Variants in PCDH15 observed in about 807,000 individuals in gnomAD.
PCDH15 encodes the protein protocadherin related 15, also known as protocadherin-15.
PCDH15 carries 129 observed loss-of-function variants against 178.5 expected under a neutral mutation model. The ratio of observed to expected loss-of-function variants is 0.72; its 90% confidence interval spans 0.63 to 0.84. PCDH15 has a LOEUF of 0.84. PCDH15 is among the 40% of genes least tolerant of loss of function. The pLI, the probability that PCDH15 is intolerant of heterozygous loss-of-function variation, is 0.00. For missense variants in PCDH15, 2,230 were observed against 2,099.9 expected (o/e 1.06, Z -1.21); for synonymous variants, 800 against 732.0 (o/e 1.09, Z -1.50).
chr10:54,089,218 G>A (rs937862834), intron 16 of PCDH15, among the ~76,000 whole-genome samples: 1 of 152,164 alleles, frequency 6.6e-6, no homozygotes, highest in Non-Finnish European at 1.5e-5. Flanking sequence ...TGAGTCTGAT[G>A]TGGCAATGTA....
chr10:55,263,225 C>G (rs1842193472), intron 1 of PCDH15, among the ~76,000 whole-genome samples: 1 of 152,156 alleles, frequency 6.6e-6, no homozygotes, highest in Non-Finnish European at 1.5e-5. Flanking sequence ...CCTAACCGGT[C>G]TGGTAAAAAC....
chr10:53,944,202 T>C (rs2086329461), intron 23 of PCDH15, among the ~76,000 whole-genome samples: 1 of 152,286 alleles, frequency 6.6e-6, no homozygotes, highest in Admixed American at 6.5e-5. Flanking sequence ...ATAAAGGAAA[T>C]TGAAAATTTT....
chr10:55,361,030 A>G (rs1845214998), intron 2 of PCDH15, among the ~76,000 whole-genome samples: 1 of 152,014 alleles, frequency 6.6e-6, no homozygotes, highest in Admixed American at 6.6e-5. Flanking sequence ...TTCTGAATGG[A>G]CCACAATTGC....
At chr10:54,368,366 ACTATCACATTAATGTCATT>A (rs2134689153) in intron 5 of PCDH15, among the ~76,000 whole-genome samples, 1 of 152,132 alleles carries the variant, frequency 6.6e-6, no homozygotes, top group African/African-American at 2.4e-5. Context: ...TAAAATATGT[ACTATCACATTAATGTCATT>A]CATTTTTTCA....
At chr10:55,439,430 C>T (rs1413671) in intron 2 of PCDH15, among the ~76,000 whole-genome samples, 116,433 of 152,072 alleles carry the variant, frequency 0.77, 45,929 homozygotes, top group East Asian at 0.99. Context: ...CCACTATTAC[C>T]AGAGAACCTA....
chr10:54,563,477 G>C (rs1182747915), intron 2 of PCDH15, among the ~76,000 whole-genome samples: 1 of 152,080 alleles, frequency 6.6e-6, no homozygotes, highest in Non-Finnish European at 1.5e-5. Flanking sequence ...AACTTTTTCA[G>C]CCAAAAATAC....
chr10:54,442,450 ATATATATATAC>A (rs1430237681), intron 3 of PCDH15, among the ~76,000 whole-genome samples: 4 of 119,804 alleles, frequency 3.3e-5, no homozygotes, highest in African/African-American at 1.5e-4. Context: ...ATATATATAT[ATATATATATAC>A]AGTCTTTTTT....
intron 2 of PCDH15, among the ~76,000 whole-genome samples, chr10:55,583,789 C>T (rs1462018608): frequency 6.6e-6 from 1 of 152,048 alleles, no homozygotes; most frequent in African/African-American, 2.4e-5. Context: ...TAAATGCAAT[C>T]TTTTCACCAC....
At chr10:54,975,628 G>T (rs1244162610) in intron 2 of PCDH15, among the ~76,000 whole-genome samples, 2 of 152,204 alleles carry the variant, frequency 1.3e-5, no homozygotes, top group East Asian at 3.9e-4. Flanking sequence ...AAACATTAAA[G>T]ATAACTAGAA....
intron 4 of PCDH15, among the ~76,000 whole-genome samples, chr10:54,371,166 A>T (rs1206516909): frequency 6.6e-6 from 1 of 151,860 alleles, no homozygotes; most frequent in African/African-American, 2.4e-5. Context: ...GGGTTACAAA[A>T]TGGTAAATTT....
chr10:54,651,296 A>C (rs1055552469), intron 2 of PCDH15, among the ~76,000 whole-genome samples: 1 of 152,196 alleles, frequency 6.6e-6, no homozygotes, highest in Non-Finnish European at 1.5e-5. Flanking sequence ...ATGTTGAGAA[A>C]TTCTGGGAAA....
In PCDH15 at chr10:55,463,987, GAAAGAGAA is replaced by G. The variant is rs1380772239; in HGVS notation, c.-156+163630_-156+163637del. Among the ~76,000 whole-genome samples, 56 of 25,242 alleles carry G rather than the reference GAAAGAGAA, an allele frequency of 2.2e-3. 12 individuals are homozygous for G. The highest frequency in any genetic ancestry group is 0.04 in the Middle Eastern group (2 of 50). 16.6% of individuals were successfully genotyped at this position (25,242 alleles called of 152,430 possible). A position where few individuals can be genotyped will look rare whatever the true frequency, so the allele number is the denominator to read the frequency against. On this transcript the variant is annotated intron_variant, in intron 2 of 5. Coordinates refer to the PCDH15 transcript ENST00000613346. Reference sequence around the variant, plus strand: ...AAAGAAAGAAAGAGAAAGAAAGAAAGAAAGAGAAAGAAAGAAAGAAAGAAAGAAAGAAA... The same window carrying G: ...AAAGAAAGAAAGAGAAAGAAAGAAAGAGAAAGAAAGAAAGAAAGAAAGAAA...
At chr10:54,007,245 A>C (rs1186130299) in intron 20 of PCDH15, among the ~76,000 whole-genome samples, 1 of 152,080 alleles carries the variant, frequency 6.6e-6, no homozygotes, top group Non-Finnish European at 1.5e-5. Context: ...GATCTTTTAA[A>C]ATTGTTTAGA....
intron 27 of PCDH15, among the ~76,000 whole-genome samples, chr10:53,863,545 G>A (rs2079242609): frequency 6.6e-6 from 1 of 151,936 alleles, no homozygotes; most frequent in African/African-American, 2.4e-5. Flanking sequence ...TTTAAGAGAG[G>A]GTTTAAGAGA....
At chr10:54,837,041 T>C (rs918365800) in intron 3 of PCDH15, among the ~76,000 whole-genome samples, 4 of 152,148 alleles carry the variant, frequency 2.6e-5, no homozygotes, top group African/African-American at 9.6e-5. Context: ...ATTTTAGAAA[T>C]GTTAGATATA....
At chr10:54,939,494 C>CAAAGAAAAAAAAAA (rs1838003714) in intron 2 of PCDH15, among the ~76,000 whole-genome samples, 1 of 26,664 alleles carries the variant, frequency 3.8e-5, no homozygotes. Context: ...GACTCCGTCT[C>CAAAGAAAAAAAAAA]AAAAAAAAAA....
intron 2 of PCDH15, among the ~76,000 whole-genome samples, chr10:54,602,358 C>A (rs2092577577): frequency 6.6e-6 from 1 of 151,928 alleles, no homozygotes; most frequent in Non-Finnish European, 1.5e-5. Context: ...TTACTAAATT[C>A]ATGTATTAAT....
At chr10:54,353,909 A>T (rs1944552336) in intron 5 of PCDH15, among the ~76,000 whole-genome samples, 1 of 152,198 alleles carries the variant, frequency 6.6e-6, no homozygotes, top group African/African-American at 2.4e-5. Flanking sequence ...AATGATAAAT[A>T]ACTCTATCTT....
intron 15 of PCDH15, among the ~76,000 whole-genome samples, chr10:54,121,287 A>G (rs2095215629): frequency 6.6e-6 from 1 of 152,292 alleles, no homozygotes. Context: ...GGGATGTTGC[A>G]AAATCAGTGT....
Sources: allele counts gnomAD v4.1 joint callset (sites outside exome capture counted in the v4.1 genomes callset), GRCh38; gene constraint gnomAD v4.1.1; transcripts MANE v1.5; gene names NCBI Gene and HGNC (gene_info 2026-07-23, HGNC 2026-07-21).